Variants in RBFOX1 observed in about 807,000 individuals in gnomAD.
RBFOX1 encodes the protein RNA binding fox-1 homolog 1.
Under a neutral mutation model 57.7 loss-of-function variants are expected in RBFOX1, and 8 were observed. The observed-to-expected ratio is 0.14, with a 90% CI of 0.08 to 0.25. The LOEUF (loss-of-function observed/expected upper bound fraction) is 0.25. Among genes scored for constraint, RBFOX1 ranks in the 10% least tolerant of loss-of-function variants. The pLI, the probability that RBFOX1 is intolerant of heterozygous loss-of-function variation, is 1.00. For synonymous variants in RBFOX1, 326 were observed against 222.4 expected (o/e 1.47, Z -4.15); for missense variants, 611 against 548.5 (o/e 1.11, Z -1.14).
chr16:6,072,259 C>T (rs72772850), intron 1 of RBFOX1, among the ~76,000 whole-genome samples: 5,665 of 152,238 alleles, frequency 0.037, 144 homozygotes, highest in Non-Finnish European at 0.06. Context: ...CCTCCCACTG[C>T]GTCCCTCCCA....
chr16:6,792,192 G>C (rs770843667), intron 3 of RBFOX1, among the ~76,000 whole-genome samples: 10 of 152,112 alleles, frequency 6.6e-5, no homozygotes, highest in Non-Finnish European at 1.3e-4. Context: ...TAGTTAAGGT[G>C]AGTAATAACA....
intron 4 of RBFOX1, among the ~76,000 whole-genome samples, chr16:7,112,645 C>T (rs1232190114): frequency 8.2e-6 from 1 of 122,500 alleles, no homozygotes; most frequent in Non-Finnish European, 1.8e-5. Flanking sequence ...ATCTTAAATG[C>T]AGCCTCAATA....
At chr16:6,859,113 A>ATATATATACG (rs2058431627) in intron 3 of RBFOX1, among the ~76,000 whole-genome samples, 1 of 70,732 alleles carries the variant, frequency 1.4e-5, no homozygotes, top group African/African-American at 8.8e-5. Context: ...AAAAAAGTGT[A>ATATATATACG]TATATATATA....
intron 3 of RBFOX1, among the ~76,000 whole-genome samples, chr16:5,709,579 C>T (rs2051375405): frequency 6.6e-6 from 1 of 151,516 alleles, no homozygotes; most frequent in African/African-American, 2.4e-5. Flanking sequence ...CCCAGGCCTC[C>T]TCCTGACACT....
chr16:6,771,834 G>C (rs1227993596), intron 3 of RBFOX1, among the ~76,000 whole-genome samples: 1 of 152,136 alleles, frequency 6.6e-6, no homozygotes, highest in Admixed American at 6.5e-5. Context: ...GAGAGTTCCT[G>C]ATGGGGCAGA....
chr16:6,520,788 G>C (rs906001139), intron 2 of RBFOX1, among the ~76,000 whole-genome samples: 1 of 152,140 alleles, frequency 6.6e-6, no homozygotes, highest in Non-Finnish European at 1.5e-5. Flanking sequence ...CAAGCCATCT[G>C]CTTAATTAAC....
chr16:7,497,832 G>A (rs2069195158), intron 4 of RBFOX1, among the ~76,000 whole-genome samples: 1 of 152,228 alleles, frequency 6.6e-6, no homozygotes, highest in South Asian at 2.1e-4. Context: ...GCATACTGGA[G>A]CGTTTTCAAG....
Position 6,122,357 on chromosome 16 carries a change from A to AACACAC in RBFOX1, c.-127+102399_-127+102404dup, listed in dbSNP as rs61531585. Among the ~76,000 whole-genome samples, 379 of 145,454 alleles carry AACACAC rather than the reference A, an allele frequency of 2.6e-3. 1 individual carries two copies. The highest frequency in any genetic ancestry group is 2.8e-3 in the African/African-American group (112 of 39,876). ...AACAGAACCTTGTGTCTAAAAGATA[A>AACACAC]ACACACACACACACACACACACACA... On this transcript the variant is annotated intron_variant, in intron 1 of 15. Coordinates refer to ENST00000550418, the MANE Select transcript of RBFOX1 (RefSeq NM_018723.4).
Position 5,935,085 on chromosome 16 carries a change from G to C in RBFOX1, c.351+67750G>C, listed in dbSNP as rs552386350. 5.9e-5 allele frequency among the ~76,000 whole-genome samples: 9 copies of C among 152,330 alleles called. No homozygotes were observed. The South Asian group carries it at 1.9e-3, about 32-fold the overall frequency. On this transcript the variant is annotated intron_variant, in intron 4 of 19. Transcript: ENST00000641259. ...TTTTAAGAGAATTCAGCTGCCTTCA[G>C]CCAACTCTTTTACTGAAGCTTTGCA... is the stretch of plus-strand genomic sequence containing the variant.
intron 4 of RBFOX1, among the ~76,000 whole-genome samples, chr16:7,179,914 T>C (rs898764849): frequency 1.3e-5 from 2 of 151,934 alleles, no homozygotes; most frequent in Non-Finnish European, 2.9e-5. Context: ...TTTGTATTTT[T>C]TTTTTTTTAG....
chr16:7,578,918 T>A (rs1203262525), intron 5 of RBFOX1, among the ~76,000 whole-genome samples: 1 of 152,216 alleles, frequency 6.6e-6, no homozygotes, highest in African/African-American at 2.4e-5. Flanking sequence ...TAACGTCATG[T>A]TATACAGCCT....
At chr16:6,478,388 A>AATATATATATATAT (rs71406379) in intron 2 of RBFOX1, among the ~76,000 whole-genome samples, 2 of 41,554 alleles carry the variant, frequency 4.8e-5, no homozygotes, top group East Asian at 5.4e-4. Context: ...ACACCCAGCT[A>AATATATATATATAT]ATATATATAT....
intron 3 of RBFOX1, among the ~76,000 whole-genome samples, chr16:6,973,267 T>C (rs1027333465): frequency 6.6e-6 from 1 of 152,200 alleles, no homozygotes; most frequent in African/African-American, 2.4e-5. Context: ...CAGTAAGTAC[T>C]TGGAATCAAG....
intron 3 of RBFOX1, among the ~76,000 whole-genome samples, chr16:5,669,529 C>T (rs764855403): frequency 1.3e-5 from 2 of 149,796 alleles, no homozygotes; most frequent in African/African-American, 2.5e-5. Flanking sequence ...AAGCAATTCT[C>T]CTGCCTCAGC....
intron 3 of RBFOX1, among the ~76,000 whole-genome samples, chr16:6,887,978 A>T (rs2064512629): frequency 6.6e-6 from 1 of 151,940 alleles, no homozygotes; most frequent in Non-Finnish European, 1.5e-5. Context: ...CATCATTTTT[A>T]TTACTGCATC....
intron 4 of RBFOX1, among the ~76,000 whole-genome samples, chr16:7,054,003 G>T (rs1177152656): frequency 6.6e-6 from 1 of 151,916 alleles, no homozygotes; most frequent in Non-Finnish European, 1.5e-5. Flanking sequence ...TAGGCGTCTA[G>T]TTCCCTCTGG....
At chr16:7,365,490 C>A (rs996762895) in intron 4 of RBFOX1, among the ~76,000 whole-genome samples, 1 of 151,964 alleles carries the variant, frequency 6.6e-6, no homozygotes, top group Non-Finnish European at 1.5e-5. Context: ...TGATTTTTTT[C>A]CCCCCCACAG....
At chr16:6,754,451 T>C (rs558599010) in intron 3 of RBFOX1, among the ~76,000 whole-genome samples, 1 of 152,326 alleles carries the variant, frequency 6.6e-6, no homozygotes, top group Admixed American at 6.5e-5. Flanking sequence ...ATGAAGCTCT[T>C]TCCTTTTGTT....
At chr16:7,013,760 C>G (rs748098865) in intron 3 of RBFOX1, among the ~76,000 whole-genome samples, 45 of 151,916 alleles carry the variant, frequency 3.0e-4, no homozygotes, top group Non-Finnish European at 6.2e-4. Flanking sequence ...CAGGCTCAAG[C>G]AATCCTCTTA....
Sources: gnomAD v4.1 joint callset for allele counts (sites outside exome capture counted in the v4.1 genomes callset) on GRCh38, gnomAD v4.1.1 for gene constraint, MANE v1.5 for transcripts, NCBI Gene and HGNC (gene_info 2026-07-23, HGNC 2026-07-21) for gene names.